Variants in RASAL2 observed in about 807,000 individuals in gnomAD.
RASAL2 encodes the protein ras GTPase-activating protein nGAP.
Under a neutral mutation model 128.9 loss-of-function variants are expected in RASAL2, and 58 were observed. The ratio of observed to expected loss-of-function variants is 0.45; its 90% CI spans 0.36 to 0.56. RASAL2 has a LOEUF of 0.56. Among genes scored for constraint, RASAL2 ranks in the 20% least tolerant of loss-of-function variants. The pLI is 0.00. For missense variants in RASAL2, 1,360 were observed against 1,601.6 expected, an observed-to-expected ratio of 0.85 and a Z score of 2.57; for synonymous variants, 561 against 580.8, an observed-to-expected ratio of 0.97 and a Z score of 0.49.
At chr1:178,320,660 G>A (rs1468754627) in intron 3 of RASAL2, among the ~76,000 whole-genome samples, 1 of 152,108 alleles carries the variant, frequency 6.6e-6, no homozygotes, top group African/African-American at 2.4e-5. Flanking sequence ...CTCGCACACG[G>A]TGCGCGCACC....
intron 3 of RASAL2, among the ~76,000 whole-genome samples, chr1:178,330,917 A>G (rs1037448735): frequency 6.6e-6 from 1 of 152,240 alleles, no homozygotes; most frequent in African/African-American, 2.4e-5. Flanking sequence ...AATATTATGT[A>G]GTGGTTTGTG....
intron 3 of RASAL2, among the ~76,000 whole-genome samples, chr1:178,388,438 G>A (rs1190993611): frequency 1.3e-5 from 2 of 152,164 alleles, no homozygotes; most frequent in Non-Finnish European, 2.9e-5. Flanking sequence ...TGCACATTAA[G>A]GCTCATTTGA....
At chr1:178,152,381 A>G (rs975981152) in intron 1 of RASAL2, among the ~76,000 whole-genome samples, 9 of 152,138 alleles carry the variant, frequency 5.9e-5, no homozygotes, top group Admixed American at 1.3e-4. Flanking sequence ...TAAATCGTAA[A>G]TATAAGTACA....
intron 1 of RASAL2, among the ~76,000 whole-genome samples, chr1:178,233,210 CAT>C (rs925138177): frequency 4.8e-4 from 73 of 152,322 alleles, no homozygotes; most frequent in African/African-American, 1.7e-3. Flanking sequence ...ACTGCACAGA[CAT>C]GTGTGGTTCA....
At chr1:178,463,836 T>C (rs925735731) in intron 14 of RASAL2, among the ~76,000 whole-genome samples, 1 of 152,182 alleles carries the variant, frequency 6.6e-6, no homozygotes, top group Non-Finnish European at 1.5e-5. Context: ...GGTTTCTGAT[T>C]GTGTCTGGGC....
chr1:178,161,958 TTTTATTTA>T (rs56767855), intron 1 of RASAL2, among the ~76,000 whole-genome samples: 24 of 150,506 alleles, frequency 1.6e-4, no homozygotes, highest in African/African-American at 5.2e-4. Flanking sequence ...ATTTATTTAT[TTTTATTTA>T]TTTATTTATT....
chr1:178,279,106 T>G lies in RASAL2; in HGVS notation c.203-4458T>G, dbSNP rs184411211. Among the ~76,000 whole-genome samples the G allele has an allele frequency of 2.5e-4, 38 of 152,354 alleles. 1 individual carries two copies. The highest frequency in any genetic ancestry group is 7.7e-4 in the African/African-American group (32 of 41,582). ...ATTTTGAATGCTGTTTTGAAATTATTTGGAAATAATAGATTGCATTGAATA... is the reference window on the plus strand; with the variant it reads ...ATTTTGAATGCTGTTTTGAAATTATGTGGAAATAATAGATTGCATTGAATA... On this transcript the variant is annotated intron_variant, in intron 1 of 17. Coordinates refer to ENST00000367649, the MANE Select transcript of RASAL2 (RefSeq NM_170692.4).
In RASAL2 at chr1:178,173,914, T is replaced by TAA. The variant is rs1553256261; in HGVS notation, c.202+79225_202+79226dup. 1.7e-3 allele frequency among the ~76,000 whole-genome samples: 257 copies of TAA among 150,438 alleles called. 1 individual carries two copies. The highest frequency in any genetic ancestry group is 0.015 in the East Asian group (75 of 5,104). On this transcript the variant is annotated intron_variant, in intron 1 of 17. Coordinates refer to ENST00000367649, the MANE Select transcript of RASAL2 (RefSeq NM_170692.4). ...ATGAAAAACAAGCTTTTTTTTTTTTTAAAAAAGTTCATATTGTAATCAAGA... is the reference window on the plus strand; with the variant it reads ...ATGAAAAACAAGCTTTTTTTTTTTTTAAAAAAAAGTTCATATTGTAATCAAGA...
intron 1 of RASAL2, among the ~76,000 whole-genome samples, chr1:178,251,314 A>G (rs917175004): frequency 6.6e-6 from 1 of 152,224 alleles, no homozygotes; most frequent in African/African-American, 2.4e-5. Flanking sequence ...ACTTGCTCAT[A>G]CAATCTTTAA....
chr1:178,145,102 C>G (rs1342835617), intron 1 of RASAL2, among the ~76,000 whole-genome samples: 1 of 152,020 alleles, frequency 6.6e-6, no homozygotes, highest in Non-Finnish European at 1.5e-5. Context: ...TATTTTATAG[C>G]AAACACAAGG....
intron 1 of RASAL2, among the ~76,000 whole-genome samples, chr1:178,233,607 G>A (rs1027146463): frequency 6.6e-6 from 1 of 152,188 alleles, no homozygotes; most frequent in Non-Finnish European, 1.5e-5. Flanking sequence ...TAGTAATAAT[G>A]CTTCTTCCTC....
chr1:178,168,659 C>T (rs1367816237), intron 1 of RASAL2, among the ~76,000 whole-genome samples: 2 of 151,998 alleles, frequency 1.3e-5, no homozygotes, highest in East Asian at 1.9e-4. Context: ...AAATGCACAC[C>T]GGGCTGTGTG....
chr1:178,405,004 A>T (rs991574230), intron 4 of RASAL2, among the ~76,000 whole-genome samples: 1 of 152,170 alleles, frequency 6.6e-6, no homozygotes, highest in African/African-American at 2.4e-5. Context: ...TTTTAAAACA[A>T]CATAGAAATA....
intron 10 of RASAL2, 45 bp from the exon 11 acceptor site, chr1:178,452,365 TGTACTG>T: frequency 6.7e-7 from 1 of 1,487,156 alleles, no homozygotes; most frequent in Non-Finnish European, 9.4e-7. Context: ...CACTTGTGCT[TGTACTG>T]GTACTTCTGT....
intron 4 of RASAL2, among the ~76,000 whole-genome samples, chr1:178,408,835 G>A (rs935685827): frequency 2.0e-5 from 3 of 152,042 alleles, no homozygotes; most frequent in African/African-American, 4.8e-5. Flanking sequence ...GAAGGGTTCC[G>A]GTGTGAGGCT....
At chr1:178,252,294 A>C (rs1241447395) in intron 1 of RASAL2, among the ~76,000 whole-genome samples, 1 of 152,134 alleles carries the variant, frequency 6.6e-6, no homozygotes, top group African/African-American at 2.4e-5. Context: ...GTAAATTATG[A>C]ATATGCAGAT....
chr1:178,255,689 C>A (rs952921599), intron 1 of RASAL2, among the ~76,000 whole-genome samples: 1 of 151,652 alleles, frequency 6.6e-6, no homozygotes, highest in Non-Finnish European at 1.5e-5. Flanking sequence ...GAAACAATAG[C>A]TTTTTTAAAA....
chr1:178,302,392 T>C (rs969020425), intron 3 of RASAL2, among the ~76,000 whole-genome samples: 5 of 152,072 alleles, frequency 3.3e-5, no homozygotes, highest in African/African-American at 1.2e-4. Flanking sequence ...AAATTAAATA[T>C]CCTGTTTAAT....
At chr1:178,211,807 A>G (rs560308009) in intron 1 of RASAL2, among the ~76,000 whole-genome samples, 1 of 152,104 alleles carries the variant, frequency 6.6e-6, no homozygotes, top group Admixed American at 6.5e-5. Flanking sequence ...TGAATTCTGT[A>G]TGTACTTTAT....
Sources: allele counts gnomAD v4.1 joint callset (sites outside exome capture counted in the v4.1 genomes callset), GRCh38; gene constraint gnomAD v4.1.1; transcripts MANE v1.5; gene names NCBI Gene and HGNC (gene_info 2026-07-23, HGNC 2026-07-21).